Variants in EPHA6 observed in about 807,000 individuals in gnomAD.
EPHA6 encodes the protein ephrin type-A receptor 6.
A neutral mutation model predicts 112.0 loss-of-function variants in EPHA6; 50 were observed. The observed-to-expected ratio is 0.45, with a 90% CI of 0.36 to 0.56. The LOEUF is 0.56. Ranked by LOEUF, EPHA6 falls within the 20% of genes least tolerant of loss-of-function variation. The pLI is 0.00. For synonymous variants in EPHA6, 529 were observed against 490.7 expected (o/e 1.08, Z -1.03); for missense variants, 1,280 against 1,417.4 (o/e 0.90, Z 1.56).
chr3:97,589,785 T>G (rs1358670063), intron 11 of EPHA6, among the ~76,000 whole-genome samples: 1 of 152,182 alleles, frequency 6.6e-6, no homozygotes, highest in East Asian at 1.9e-4. Context: ...CTAATTTATA[T>G]TAACAAATAC....
Position 97,703,300 on chromosome 3 carries a change from A to G in EPHA6, c.2785-16961A>G, listed in dbSNP as rs117297522. Among the ~76,000 whole-genome samples the G allele has an allele frequency of 1.4e-4, 21 of 152,354 alleles. No homozygotes were observed. In the East Asian group the frequency reaches 4.1e-3, roughly 29 times the overall value. ...TCAAATGAAAAATATGAGTATAGCT[A>G]TCCTCAAATGAAAGGAGCTTTCCCA... On this transcript the variant is annotated intron_variant, in intron 14 of 17. Coordinates refer to ENST00000389672, the MANE Select transcript of EPHA6 (RefSeq NM_001080448.3).
At chr3:96,924,386 G>A (rs1171619833) in intron 2 of EPHA6, among the ~76,000 whole-genome samples, 1 of 151,940 alleles carries the variant, frequency 6.6e-6, no homozygotes, top group Non-Finnish European at 1.5e-5. Flanking sequence ...TGCATTCCTA[G>A]TTTTATTCTT....
chr3:96,866,878 C>A lies in EPHA6; in HGVS notation c.439C>A (p.Pro147Thr). 2 of 1,473,900 alleles carry A rather than the reference C, an allele frequency of 1.4e-6. No homozygotes were observed. The highest frequency in any genetic ancestry group is 1.8e-4 in the Middle Eastern group (1 of 5,516). The allele number at this position is 1,473,900 out of a possible 1,614,324, so 91.3% of individuals were successfully genotyped here. A position where few individuals can be genotyped will look rare whatever the true frequency, so the allele number is the denominator to read the frequency against. The change falls in exon 2 of 18, where the codon CCA becomes ACA. Residue 147 changes from proline (P) to threonine (T), a missense_variant. Physicochemically the swap from Pro to Thr is conservative, Grantham distance 38. Around this residue, in one of 4 missense-constraint regions of EPHA6, gnomAD observed 878 missense variants for 999.7 expected, o/e 0.88. Transcript: ENST00000389672. ...VLGELGWKTY[P>T]LNGWDAITEM... ...GGGAGAGCTAGGATGGAAAACATAT[C>A]CATTAAATGGGGTAAGTTTAAATAT... is the stretch of plus-strand genomic sequence containing the variant.
At chr3:96,942,690 C>A (rs919611799) in intron 2 of EPHA6, among the ~76,000 whole-genome samples, 1 of 152,202 alleles carries the variant, frequency 6.6e-6, no homozygotes, top group Non-Finnish European at 1.5e-5. Context: ...GCAGAAATCA[C>A]CGGTCTTCTG....
intron 2 of EPHA6, among the ~76,000 whole-genome samples, chr3:96,913,195 CA>C (rs1235627373): frequency 2.0e-4 from 27 of 134,364 alleles, no homozygotes; most frequent in Non-Finnish European, 4.0e-4. Flanking sequence ...CACACACACA[CA>C]CACACACACA....
chr3:97,546,516 C>G (rs1363413953), intron 11 of EPHA6, among the ~76,000 whole-genome samples: 2 of 152,154 alleles, frequency 1.3e-5, no homozygotes, highest in African/African-American at 4.8e-5. Context: ...TTCATTTCAA[C>G]TTTGGTAAAT....
chr3:97,662,490 G>A (rs903452065), intron 14 of EPHA6, among the ~76,000 whole-genome samples: 12 of 152,012 alleles, frequency 7.9e-5, no homozygotes, highest in Admixed American at 7.2e-4. Flanking sequence ...GACTGAAGGC[G>A]ACAAAACAAG....
chr3:97,013,415 C>T (rs533177434), intron 3 of EPHA6, among the ~76,000 whole-genome samples: 1 of 152,186 alleles, frequency 6.6e-6, no homozygotes, highest in South Asian at 2.1e-4. Context: ...TTTCTCCCTA[C>T]ATCTATATTA....
At chr3:97,045,355 T>A (rs1576382826) in intron 3 of EPHA6, among the ~76,000 whole-genome samples, 1 of 152,068 alleles carries the variant, frequency 6.6e-6, no homozygotes, top group East Asian at 1.9e-4. Context: ...TTAAGAAGGA[T>A]CGGTATGTCA....
At chr3:97,359,462 T>C (rs761694496) in intron 5 of EPHA6, among the ~76,000 whole-genome samples, 74 of 152,026 alleles carry the variant, frequency 4.9e-4, no homozygotes, top group Non-Finnish European at 9.1e-4. Context: ...GTTTTTTTTT[T>C]TTAATTCTCT....
intron 2 of EPHA6, among the ~76,000 whole-genome samples, chr3:96,954,574 GCTTCCTGATTATCTCAC>G (rs1400211211): frequency 6.6e-6 from 1 of 152,058 alleles, no homozygotes; most frequent in Non-Finnish European, 1.5e-5. Context: ...AGGGAGAAGT[GCTTCCTGATTATCTCAC>G]ATAAAGAACA....
At chr3:97,573,030 T>TA (rs764649790) in intron 11 of EPHA6, among the ~76,000 whole-genome samples, 2 of 152,290 alleles carry the variant, frequency 1.3e-5, no homozygotes, top group Non-Finnish European at 2.9e-5. Flanking sequence ...AAAATCCATA[T>TA]AAAACATATT....
intron 5 of EPHA6, among the ~76,000 whole-genome samples, chr3:97,293,666 C>T (rs1438027593): frequency 2.0e-5 from 3 of 152,222 alleles, no homozygotes; most frequent in Non-Finnish European, 4.4e-5. Flanking sequence ...TGGAAAAAGC[C>T]CATAAGTTCC....
At position 97,221,479 on chromosome 3, in the gene EPHA6, G is replaced by T. The variant is rs184990587; in HGVS notation, c.1115-4785G>T. Among the ~76,000 whole-genome samples, 4 of 151,874 alleles carry T rather than the reference G, an allele frequency of 2.6e-5. No individual in the cohort carries two copies. The South Asian group carries it at 6.2e-4, about 24-fold the overall frequency. The stretch of plus-strand genomic sequence containing the variant: ...TTGGACAACATTCTTATCTCCACTC[G>T]CTTGTTTCTTGAAAGCAAGAAGTTT... On this transcript the variant is annotated intron_variant, in intron 3 of 17. Transcript: ENST00000389672.
At chr3:97,676,454 G>C (rs930078871) in intron 14 of EPHA6, among the ~76,000 whole-genome samples, 3 of 152,156 alleles carry the variant, frequency 2.0e-5, no homozygotes, top group Non-Finnish European at 2.9e-5. Context: ...AGAGACAAAG[G>C]TTTAATTGGA....
intron 5 of EPHA6, among the ~76,000 whole-genome samples, chr3:97,295,634 T>C (rs1032580515): frequency 6.6e-6 from 1 of 152,142 alleles, no homozygotes. Flanking sequence ...GTTTCTTGTC[T>C]TTATGTTGTA....
intron 2 of EPHA6, among the ~76,000 whole-genome samples, chr3:96,914,616 G>T (rs1235887325): frequency 6.6e-6 from 1 of 152,076 alleles, no homozygotes; most frequent in East Asian, 1.9e-4. Flanking sequence ...ATAATGTTTG[G>T]CAAAGGCCAA....
chr3:97,288,445 C>T (rs564874789), intron 5 of EPHA6, among the ~76,000 whole-genome samples: 1 of 152,264 alleles, frequency 6.6e-6, no homozygotes, highest in South Asian at 2.1e-4. Flanking sequence ...CTTAGTATTC[C>T]ATTACATATA....
At chr3:96,877,236 G>A (rs1222304345) in intron 2 of EPHA6, among the ~76,000 whole-genome samples, 9 of 152,148 alleles carry the variant, frequency 5.9e-5, no homozygotes, top group African/African-American at 1.4e-4. Flanking sequence ...CTTGTTCATC[G>A]TTAGTCTTAA....
Sources: gnomAD v4.1 joint callset for allele counts (sites outside exome capture counted in the v4.1 genomes callset) on GRCh38, gnomAD v4.1.1 for gene constraint, gnomAD v4.1.1 regional missense constraint, MANE v1.5 for transcripts, NCBI Gene and HGNC (gene_info 2026-07-23, HGNC 2026-07-21) for gene names.